Variants in SNAP91 observed in about 807,000 individuals in gnomAD.
SNAP91 encodes the protein clathrin coat assembly protein AP180.
In SNAP91, 27 loss-of-function variants were observed where a neutral mutation model predicts 100.3. The observed-to-expected ratio is 0.27, with a 90% CI of 0.20 to 0.37. The LOEUF is 0.37. SNAP91 is among the 10% of genes least tolerant of loss of function. SNAP91 has a pLI of 1.00. For synonymous variants in SNAP91, 404 were observed against 398.6 expected (o/e 1.01, Z -0.16); for missense variants, 986 against 1,123.7 (o/e 0.88, Z 1.75).
intron 19 of SNAP91, 73 bp downstream of exon 19, chr6:83,593,109 G>A: frequency 6.6e-7 from 1 of 1,507,188 alleles, no homozygotes; most frequent in Non-Finnish European, 9.0e-7. Flanking sequence ...ATTATCACAG[G>A]TGAGTACAAA....
chr6:83,686,814 A>C (rs907172325), intron 2 of SNAP91: 12 of 152,222 alleles, frequency 7.9e-5, no homozygotes, highest in African/African-American at 2.2e-4. Context: ...GAGGAAGGAC[A>C]AGATGAATGC....
At chr6:83,694,826 A>G (rs1195299944) in intron 2 of SNAP91, among the ~76,000 whole-genome samples, 6 of 152,170 alleles carry the variant, frequency 3.9e-5, no homozygotes, top group Admixed American at 3.9e-4. Flanking sequence ...TCTTTTTGCC[A>G]AAACTATTTT....
intron 22 of SNAP91, among the ~76,000 whole-genome samples, chr6:83,589,923 A>AT (rs1408488087): frequency 6.6e-6 from 1 of 152,124 alleles, no homozygotes. Context: ...ATAACTTGTA[A>AT]TTTTATGGGC....
At chr6:83,624,284 A>G (rs2096846744) in intron 8 of SNAP91, among the ~76,000 whole-genome samples, 1 of 152,140 alleles carries the variant, frequency 6.6e-6, no homozygotes. Flanking sequence ...AGGTTTGAAA[A>G]TTATTCAAAG....
chr6:83,572,159 C>T (rs1463534279), intron 26 of SNAP91, among the ~76,000 whole-genome samples: 1 of 152,184 alleles, frequency 6.6e-6, no homozygotes, highest in Non-Finnish European at 1.5e-5. Context: ...TTAGTTGCCT[C>T]ATCCATAAAA....
chr6:83,690,962 T>A (rs1384481363), intron 2 of SNAP91, among the ~76,000 whole-genome samples: 1 of 152,262 alleles, frequency 6.6e-6, no homozygotes, highest in East Asian at 1.9e-4. Context: ...ATTTCAAGTC[T>A]AATGCTTTGC....
In SNAP91 at chr6:83,574,714, A is replaced by G. The variant is rs552048235; in HGVS notation, c.2442+296T>C. ...AAATTTTTAAAAGGTCATAATCATT[A>G]TTAAATATAAAGTCATTGGAATCTG... On this transcript the variant is annotated intron_variant, in intron 26 of 29. Transcript: ENST00000369694. 3.0e-4 allele frequency among the ~76,000 whole-genome samples: 45 copies of G among 152,332 alleles called. No homozygotes were observed. In the East Asian group the frequency reaches 6.4e-3, roughly 22 times the overall value.
intron 16 of SNAP91, 90 bp from the exon 17 acceptor site, chr6:83,594,571 C>G (rs1562263566): frequency 2.7e-5 from 20 of 745,264 alleles, no homozygotes; most frequent in Non-Finnish European, 2.3e-5. Context: ...GTGAAGAAGG[C>G]TCCCTTATAC....
At chr6:83,661,813 A>G (rs1008404349) in intron 4 of SNAP91, among the ~76,000 whole-genome samples, 3 of 152,134 alleles carry the variant, frequency 2.0e-5, no homozygotes, top group Non-Finnish European at 4.4e-5. Context: ...TACTTATTCC[A>G]CCATTCCAGT....
chr6:83,583,459 C>A (rs905543945), intron 22 of SNAP91, among the ~76,000 whole-genome samples: 3 of 152,112 alleles, frequency 2.0e-5, no homozygotes, highest in African/African-American at 7.2e-5. Context: ...GTAATCCAAC[C>A]TCAGATTAAG....
intron 2 of SNAP91, among the ~76,000 whole-genome samples, chr6:83,701,042 A>C (rs1261068298): frequency 6.6e-6 from 1 of 152,204 alleles, no homozygotes; most frequent in East Asian, 1.9e-4. Flanking sequence ...CCATTCAAAG[A>C]CATAGAATAT....
At chr6:83,699,505 A>T (rs1322704043) in intron 2 of SNAP91, among the ~76,000 whole-genome samples, 1 of 152,224 alleles carries the variant, frequency 6.6e-6, no homozygotes, top group African/African-American at 2.4e-5. Context: ...AAAAGAAAGC[A>T]TTAGAAAATA....
chr6:83,690,239 A>G, intron 2 of SNAP91: 1 of 1,103,488 alleles, frequency 9.1e-7, no homozygotes, highest in East Asian at 6.6e-5. Context: ...TACTATGATG[A>G]ACAAATCTCT....
intron 26 of SNAP91, among the ~76,000 whole-genome samples, chr6:83,571,121 T>G (rs78833235): frequency 6.6e-6 from 1 of 151,906 alleles, no homozygotes; most frequent in Non-Finnish European, 1.5e-5. Context: ...TTTTTTTTTT[T>G]TTCAGGTGGA....
chr6:83,593,735 A>T lies in SNAP91; in HGVS notation c.1439T>A (p.Phe480Tyr). ...CTCTGCACTACCTTCAGACGGGGCA[A>T]AGGGGTCTTTTGGAAAGGAAAGTGG... ...ALDACSGNDP[F>Y]APSEGSAEAA... The change falls in exon 18 of 30, where the codon TTT becomes TAT. Residue 480 changes from phenylalanine to tyrosine, a missense_variant. By Grantham distance (22) the Phe-to-Tyr change is conservative (BLOSUM62 3). This residue lies in a region of SNAP91 where 575 missense variants were observed against 579.9 expected (regional missense o/e 0.99). Transcript: ENST00000369694. 6.4e-7 allele frequency: 1 copy of T among 1,565,420 alleles called. No homozygotes were observed. The highest frequency in any genetic ancestry group is 1.2e-5 in the South Asian group (1 of 84,564).
chr6:83,685,097 A>G (rs938634111), intron 2 of SNAP91, among the ~76,000 whole-genome samples: 5 of 152,224 alleles, frequency 3.3e-5, no homozygotes, highest in African/African-American at 1.2e-4. Context: ...TAAACAAGAC[A>G]AGAATTATGA....
intron 16 of SNAP91, among the ~76,000 whole-genome samples, chr6:83,596,107 T>G (rs192650216): frequency 6.6e-6 from 1 of 152,238 alleles, no homozygotes; most frequent in African/African-American, 2.4e-5. Context: ...CAGGCTGGAG[T>G]GCAGTGGCAA....
chr6:83,570,280 C>T (rs747917701), intron 26 of SNAP91, among the ~76,000 whole-genome samples: 1 of 152,136 alleles, frequency 6.6e-6, no homozygotes, highest in African/African-American at 2.4e-5. Flanking sequence ...AATTTCTAAG[C>T]TGCTAAACAT....
intron 16 of SNAP91, 79 bp downstream of exon 16, chr6:83,601,192 G>C: frequency 7.1e-7 from 1 of 1,416,942 alleles, no homozygotes; most frequent in South Asian, 1.3e-5. Flanking sequence ...TTACATAACG[G>C]AAAAAATTTT....
Sources: gnomAD v4.1 joint callset for allele counts (sites outside exome capture counted in the v4.1 genomes callset) on GRCh38, gnomAD v4.1.1 for gene constraint, gnomAD v4.1.1 regional missense constraint, MANE v1.5 for transcripts, NCBI Gene and HGNC (gene_info 2026-07-23, HGNC 2026-07-21) for gene names.